Variants in KCNH8 observed in about 807,000 individuals in gnomAD.
KCNH8 encodes potassium voltage-gated channel subfamily H member 8, also known as voltage-gated delayed rectifier potassium channel KCNH8.
A neutral mutation model predicts 103.6 loss-of-function variants in KCNH8; 70 were observed. The ratio of observed to expected loss-of-function variants is 0.68; its 90% CI spans 0.56 to 0.82. The LOEUF is 0.82. Among genes scored for constraint, KCNH8 ranks in the 40% least tolerant of loss-of-function variants. The pLI is 0.00. For missense variants in KCNH8, 1,217 were observed against 1,329.9 expected (o/e 0.92, Z 1.32); for synonymous variants, 498 against 489.4 (o/e 1.02, Z -0.23).
chr3:19,405,299 T>A (rs968161292), intron 7 of KCNH8, among the ~76,000 whole-genome samples: 1 of 151,916 alleles, frequency 6.6e-6, no homozygotes, highest in African/African-American at 2.4e-5. Context: ...TTGATTTTTG[T>A]TTCAGTCACT....
chr3:19,161,580 T>A (rs892571709), intron 1 of KCNH8, among the ~76,000 whole-genome samples: 2 of 152,222 alleles, frequency 1.3e-5, no homozygotes, highest in Non-Finnish European at 2.9e-5. Flanking sequence ...TTGTATCTAA[T>A]TGAATTGAAG....
chr3:19,231,504 A>C (rs1559433461), intron 1 of KCNH8, among the ~76,000 whole-genome samples: 1 of 152,186 alleles, frequency 6.6e-6, no homozygotes, highest in East Asian at 1.9e-4. Context: ...CAGAACAGAC[A>C]ATTTAAAAAG....
At chr3:19,191,164 A>G (rs1348519492) in intron 1 of KCNH8, among the ~76,000 whole-genome samples, 1 of 151,792 alleles carries the variant, frequency 6.6e-6, no homozygotes. Flanking sequence ...GTTCTAGTAT[A>G]TGTGTGTACT....
chr3:19,149,898 C>T (rs1210185448), intron 1 of KCNH8, among the ~76,000 whole-genome samples: 1 of 152,144 alleles, frequency 6.6e-6, no homozygotes, highest in African/African-American at 2.4e-5. Flanking sequence ...ATTTCATTTC[C>T]ACTCCAGTAG....
rs1047458739 is a variant in KCNH8 at position 19,427,881 on chromosome 3, T to C, written c.1178-10283T>C. On this transcript the variant is annotated intron_variant, in intron 7 of 15. Transcript: ENST00000328405. Reference sequence around the variant, plus strand: ...CAGTAGACAACCTGAGAAATTCCTATTTGCAGGTGGAAGGAGAGAGCACTT... The same window carrying C: ...CAGTAGACAACCTGAGAAATTCCTACTTGCAGGTGGAAGGAGAGAGCACTT... Among the ~76,000 whole-genome samples, 7 of 152,132 alleles carry C rather than the reference T, an allele frequency of 4.6e-5. No homozygotes were observed. The East Asian group carries it at 9.6e-4, about 21-fold the overall frequency.
At chr3:19,406,029 T>G (rs961775232) in intron 7 of KCNH8, among the ~76,000 whole-genome samples, 1 of 152,066 alleles carries the variant, frequency 6.6e-6, no homozygotes, top group Non-Finnish European at 1.5e-5. Flanking sequence ...CTCTAAAATT[T>G]TTAACTTAAG....
At chr3:19,258,960 T>TAGAG (rs1350355892) in intron 2 of KCNH8, among the ~76,000 whole-genome samples, 1 of 131,660 alleles carries the variant, frequency 7.6e-6, no homozygotes, top group Non-Finnish European at 1.7e-5. Context: ...TATATATATA[T>TAGAG]ATATATATAT....
At chr3:19,331,151 A>T (rs1435364564) in intron 3 of KCNH8, among the ~76,000 whole-genome samples, 1 of 151,824 alleles carries the variant, frequency 6.6e-6, no homozygotes, top group East Asian at 1.9e-4. Context: ...TTTTTCTTAT[A>T]ATCTAAGTTT....
At chr3:19,388,581 C>T (rs1453691223) in intron 5 of KCNH8, among the ~76,000 whole-genome samples, 1 of 152,014 alleles carries the variant, frequency 6.6e-6, no homozygotes, top group Non-Finnish European at 1.5e-5. Context: ...CATTCTTTCT[C>T]ATATTCTCAA....
At chr3:19,504,474 A>G (rs2068652484) in intron 11 of KCNH8, among the ~76,000 whole-genome samples, 1 of 152,190 alleles carries the variant, frequency 6.6e-6, no homozygotes, top group Non-Finnish European at 1.5e-5. Context: ...GAACTTAAAC[A>G]CATTTACAAG....
intron 7 of KCNH8, among the ~76,000 whole-genome samples, chr3:19,418,675 A>T (rs1430357708): frequency 2.0e-5 from 3 of 152,170 alleles, no homozygotes; most frequent in Non-Finnish European, 4.4e-5. Context: ...TCTGAGTATG[A>T]CCCCTAAGAC....
chr3:19,436,687 T>C (rs193084434), intron 7 of KCNH8, among the ~76,000 whole-genome samples: 33 of 152,340 alleles, frequency 2.2e-4, no homozygotes, highest in Non-Finnish European at 4.1e-4. Context: ...CAGTTGTTTG[T>C]CTGTGTGTTG....
chr3:19,160,530 T>G (rs760080482), intron 1 of KCNH8, among the ~76,000 whole-genome samples: 10 of 152,156 alleles, frequency 6.6e-5, no homozygotes, highest in Non-Finnish European at 1.2e-4. Flanking sequence ...TCTATTTTTA[T>G]GCCTAAAATT....
chr3:19,510,322 A>G (rs1049353483), intron 11 of KCNH8, 41 bp from the exon 12 acceptor site: 9 of 1,259,658 alleles, frequency 7.1e-6, no homozygotes, highest in Non-Finnish European at 1.0e-5. Context: ...CCAAACCACC[A>G]GGATATGTAA....
chr3:19,454,144 C>CTGTGTGTG (rs372400109), intron 10 of KCNH8, among the ~76,000 whole-genome samples: 137 of 131,606 alleles, frequency 1.0e-3, no homozygotes, highest in East Asian at 6.6e-3. Context: ...AGTAAGGCTT[C>CTGTGTGTG]TGTGTGTGTG....
chr3:19,425,840 A>G (rs1284117664), intron 7 of KCNH8, among the ~76,000 whole-genome samples: 2 of 152,228 alleles, frequency 1.3e-5, no homozygotes, highest in Non-Finnish European at 2.9e-5. Context: ...AAGTGGTGTC[A>G]TATGACCTTG....
chr3:19,500,160 T>C (rs577658212), intron 11 of KCNH8, among the ~76,000 whole-genome samples: 4 of 152,070 alleles, frequency 2.6e-5, no homozygotes, highest in South Asian at 2.1e-4. Flanking sequence ...TAAAACAGAC[T>C]TTAAACCAAC....
intron 4 of KCNH8, among the ~76,000 whole-genome samples, chr3:19,344,548 C>T (rs978885515): frequency 6.6e-6 from 1 of 151,974 alleles, no homozygotes; most frequent in African/African-American, 2.4e-5. Flanking sequence ...GACTCTAATA[C>T]TACAGGTAAT....
chr3:19,457,330 A>G (rs920469107), intron 11 of KCNH8, among the ~76,000 whole-genome samples: 1 of 151,940 alleles, frequency 6.6e-6, no homozygotes, highest in East Asian at 1.9e-4. Context: ...TATATGGTTC[A>G]GTTTGCTGTG....
Sources: allele counts gnomAD v4.1 joint callset (sites outside exome capture counted in the v4.1 genomes callset), GRCh38; gene constraint gnomAD v4.1.1; transcripts MANE v1.5; gene names NCBI Gene and HGNC (gene_info 2026-07-23, HGNC 2026-07-21).